Variants in HERC1 observed in about 807,000 individuals in gnomAD.
HERC1 encodes the protein HECT and RLD domain containing E3 ubiquitin protein ligase family member 1.
In HERC1, 160 loss-of-function variants were observed where a neutral mutation model predicts 554.3. The observed-to-expected ratio is 0.29, with a 90% confidence interval of 0.25 to 0.33. The LOEUF is 0.33. HERC1 is among the 10% of genes least tolerant of loss of function. HERC1 has a pLI of 1.00. For synonymous variants in HERC1, 2,175 were observed against 2,131.7 expected, an observed-to-expected ratio of 1.02 and a Z score of -0.56; for missense variants, 4,919 against 5,918.5, an observed-to-expected ratio of 0.83 and a Z score of 5.54.
In HERC1 at chr15:63,713,562, A is replaced by G. The variant is rs201470593; in HGVS notation, c.4254T>C (p.Pro1418=). Residue 1418 remains proline (P), a synonymous_variant, in exon 23 of 78, where the codon CCT becomes CCC. Transcript: ENST00000443617. The part of the protein sequence containing the change: ...AGSGARADDP[P]PQSQQERRVS... ...CCCTTCGCTCTTGCTGAGACTGAGG[A>G]GGTGGATCATCAGCTCGAGCCCCAG... is the stretch of plus-strand genomic sequence containing the variant. The G allele has an allele frequency of 6.8e-6, 11 of 1,613,922 alleles. No homozygotes were observed. In the Admixed American group the frequency reaches 1.8e-4, roughly 27 times the overall value.
chr15:63,817,724 T>C (rs559303381), intron 1 of HERC1, among the ~76,000 whole-genome samples: 2 of 152,036 alleles, frequency 1.3e-5, no homozygotes, highest in East Asian at 3.9e-4. Context: ...CAAATAATAA[T>C]AACAACAACA....
chr15:63,763,840 T>C (rs2075687511), intron 3 of HERC1, among the ~76,000 whole-genome samples: 1 of 152,156 alleles, frequency 6.6e-6, no homozygotes, highest in Non-Finnish European at 1.5e-5. Context: ...TTTTACTTAA[T>C]ACAACATTTT....
chr15:63,692,616 A>G lies in HERC1; in HGVS notation c.5675-50T>C, dbSNP rs1214155103. 2.0e-6 allele frequency: 3 copies of G among 1,471,400 alleles called. No individual in the cohort carries two copies. The highest frequency in any genetic ancestry group is 2.7e-6 in the Non-Finnish European group (3 of 1,097,176). 91.1% of individuals were successfully genotyped at this position (1,471,400 alleles called of 1,614,324 possible). ...TTACAACCAAGAGCCAACAAGAAAT[A>G]GTCTTATATCACATAATTTACCTTG... On this transcript the variant is annotated intron_variant, in intron 30 of 77. Coordinates refer to ENST00000443617, the MANE Select transcript of HERC1 (RefSeq NM_003922.4). The surrounding 1 kb of genome is among the most constrained non-coding windows in gnomAD (Gnocchi z 4.7).
intron 39 of HERC1, among the ~76,000 whole-genome samples, chr15:63,672,289 C>T (rs1165104733): frequency 2.0e-5 from 3 of 152,212 alleles, no homozygotes; most frequent in African/African-American, 7.2e-5. Flanking sequence ...GGGATCACCA[C>T]TAACTGGCTG....
In HERC1 at chr15:63,654,422, G is replaced by A. The variant is rs1232196723; in HGVS notation, c.10085-98C>T. ...TGATGCTCAGGTGAGATTTGGTGGT[G>A]GTGAACAAGCAAATGGGTTAACCCA... On this transcript the variant is annotated intron_variant, in intron 50 of 77. Transcript: ENST00000443617. 4.1e-5 allele frequency: 37 copies of A among 907,292 alleles called. 1 individual carries two copies. The highest frequency in any genetic ancestry group is 1.3e-4 in the South Asian group (8 of 60,946). The allele number at this position is 907,292 out of a possible 1,614,324, so 56.2% of individuals were successfully genotyped here.
intron 76 of HERC1, among the ~76,000 whole-genome samples, chr15:63,615,214 A>G (rs1193707857): frequency 6.6e-6 from 1 of 152,222 alleles, no homozygotes; most frequent in Non-Finnish European, 1.5e-5. Flanking sequence ...TGCCAGATGA[A>G]AACAGTCTCA....
At chr15:63,743,240 T>C (rs1159177366) in intron 12 of HERC1, among the ~76,000 whole-genome samples, 1 of 144,292 alleles carries the variant, frequency 6.9e-6, no homozygotes, top group African/African-American at 2.5e-5. Context: ...GTGTATTTTC[T>C]TTTTTTTTCT....
chr15:63,727,053 G>A lies in HERC1; in HGVS notation c.3346+594C>T, dbSNP rs144221369. On this transcript the variant is annotated intron_variant, in intron 17 of 77. Coordinates refer to ENST00000443617, the MANE Select transcript of HERC1 (RefSeq NM_003922.4). The surrounding 1 kb of genome is among the most constrained non-coding windows in gnomAD (Gnocchi z 4.3). The stretch of plus-strand genomic sequence containing the variant: ...AGCATTTTGGGAGGCTGAGGTGGGC[G>A]GATCACAAGGTCAGGAGTTCAAGAA... Among the ~76,000 whole-genome samples, 269 of 151,988 alleles carry A rather than the reference G, an allele frequency of 1.8e-3. 1 individual carries two copies. Among genetic ancestry groups the A allele is most frequent in the African/African-American group, 6.2e-3 (257 of 41,358 alleles).
chr15:63,817,093 A>G (rs1437199016), intron 1 of HERC1, among the ~76,000 whole-genome samples: 3 of 152,190 alleles, frequency 2.0e-5, no homozygotes, highest in African/African-American at 4.8e-5. Context: ...AGGGCAAACA[A>G]CCTGCTTTCT....
chr15:63,733,729 G>A (rs1310608762), intron 13 of HERC1, among the ~76,000 whole-genome samples: 2 of 152,138 alleles, frequency 1.3e-5, no homozygotes, highest in Non-Finnish European at 2.9e-5. Context: ...GTGCATGCCT[G>A]TAGTTTCAGC....
intron 50 of HERC1, among the ~76,000 whole-genome samples, chr15:63,654,964 T>C (rs1239334250): frequency 6.6e-6 from 1 of 152,052 alleles, no homozygotes; most frequent in African/African-American, 2.4e-5. Context: ...AAAACCAGGA[T>C]GGAGATGGCA....
chr15:63,691,535 T>C (rs1032309898), intron 31 of HERC1, among the ~76,000 whole-genome samples: 3 of 151,906 alleles, frequency 2.0e-5, no homozygotes, highest in Admixed American at 6.6e-5. Context: ...TACATAAATA[T>C]GTAATTAAAA....
At position 63,649,763 on chromosome 15, in the gene HERC1, A is replaced by G. The variant is rs1242567179; in HGVS notation, c.10709T>C (p.Met3570Thr). The change falls in exon 54 of 78, where the codon ATG (methionine) becomes ACG (threonine). Residue 3570 changes from methionine (M) to threonine (T), a missense_variant. By Grantham distance (81) the Met-to-Thr change is moderately conservative. Transcript: ENST00000443617. ...GLIEVVDVST[M>T]HRRELEHCYR... ...GCAATGCTCCAATTCTCGACGGTGC[A>G]TGGTGGACACATCAACAACTTCAAT... 2 of 1,613,782 alleles carry G rather than the reference A, an allele frequency of 1.2e-6. No homozygotes were observed. Among genetic ancestry groups the G allele is most frequent in the Non-Finnish European group, 1.7e-6 (2 of 1,179,816 alleles).
chr15:63,696,999 C>G (rs2072456228), intron 26 of HERC1, among the ~76,000 whole-genome samples: 6 of 151,266 alleles, frequency 4.0e-5, no homozygotes, highest in Admixed American at 3.9e-4. Flanking sequence ...AAAGATGGTA[C>G]AGAGAGTTCT....
At chr15:63,681,167 C>A (rs555844414) in intron 34 of HERC1, among the ~76,000 whole-genome samples, 1 of 150,732 alleles carries the variant, frequency 6.6e-6, no homozygotes, top group South Asian at 2.1e-4. Context: ...AAGCCTGAGA[C>A]TAGGTGTATT....
At chr15:63,759,186 T>G (rs935982897) in intron 3 of HERC1, among the ~76,000 whole-genome samples, 18 of 152,190 alleles carry the variant, frequency 1.2e-4, no homozygotes, top group African/African-American at 4.1e-4. Flanking sequence ...CTATGATTCT[T>G]GAAACATACT....
At chr15:63,618,773 AG>A (rs1190168275) in intron 74 of HERC1, among the ~76,000 whole-genome samples, 3 of 152,184 alleles carry the variant, frequency 2.0e-5, no homozygotes, top group Admixed American at 2.0e-4. Context: ...TGTGAATGGA[AG>A]TTCACTCATG....
At chr15:63,714,104 C>T (rs1471214470) in intron 22 of HERC1, among the ~76,000 whole-genome samples, 1 of 151,926 alleles carries the variant, frequency 6.6e-6, no homozygotes, top group Non-Finnish European at 1.5e-5. Flanking sequence ...GATTTTGAAG[C>T]CCATAAAAGC....
chr15:63,782,520 C>T (rs923431562), intron 1 of HERC1, among the ~76,000 whole-genome samples: 2 of 152,298 alleles, frequency 1.3e-5, no homozygotes, highest in South Asian at 2.1e-4. Context: ...TCACTGACAA[C>T]GCACCTAGTC....
Sources: gnomAD v4.1 joint callset for allele counts (sites outside exome capture counted in the v4.1 genomes callset) on GRCh38, gnomAD v4.1.1 for gene constraint, Gnocchi (gnomAD v3.1) non-coding constraint, MANE v1.5 for transcripts, NCBI Gene and HGNC (gene_info 2026-07-23, HGNC 2026-07-21) for gene names.